Variants in BCAS3 observed in about 807,000 individuals in gnomAD.
The protein encoded by BCAS3 is BCAS3 microtubule associated cell migration factor.
BCAS3 carries 53 observed loss-of-function variants against 116.1 expected under a neutral mutation model. The observed-to-expected ratio is 0.46, with a 90% CI of 0.37 to 0.57. BCAS3 has a LOEUF of 0.57. Among genes scored for constraint, BCAS3 ranks in the 20% least tolerant of loss-of-function variants. The pLI is 0.00. For missense variants in BCAS3, 917 were observed against 1,165.4 expected (o/e 0.79, Z 3.10); for synonymous variants, 391 against 408.2 (o/e 0.96, Z 0.51).
chr17:61,064,543 C>T (rs980197786), intron 19 of BCAS3, among the ~76,000 whole-genome samples: 1 of 152,056 alleles, frequency 6.6e-6, no homozygotes, highest in Non-Finnish European at 1.5e-5. Flanking sequence ...AATGAAAGCT[C>T]CTTAGTTTAT....
chr17:60,869,130 T>G (rs1019307056), intron 8 of BCAS3, among the ~76,000 whole-genome samples: 6 of 152,236 alleles, frequency 3.9e-5, no homozygotes, highest in African/African-American at 1.4e-4. Context: ...TTTTTATTCC[T>G]TCACACTTCA....
Position 61,277,748 on chromosome 17 carries a change from A to G in BCAS3, c.2426-90579A>G, listed in dbSNP as rs371665060. ...CCAATAATCACGTGAAAAGATGCCCAACATCATTAACCATCAGAGATATTC... is the reference window on the plus strand; with the variant it reads ...CCAATAATCACGTGAAAAGATGCCCGACATCATTAACCATCAGAGATATTC... On this transcript the variant is annotated intron_variant, in intron 22 of 23. Coordinates refer to ENST00000407086, the MANE Select transcript of BCAS3 (RefSeq NM_017679.5). 3.9e-5 allele frequency among the ~76,000 whole-genome samples: 6 copies of G among 152,350 alleles called. 1 individual carries two copies. The highest frequency in any genetic ancestry group is 3.9e-4 in the East Asian group (2 of 5,192).
chr17:61,331,818 T>G (rs2056316087), intron 22 of BCAS3, among the ~76,000 whole-genome samples: 1 of 152,178 alleles, frequency 6.6e-6, no homozygotes, highest in Non-Finnish European at 1.5e-5. Context: ...CAGTGTGTAC[T>G]CAGCACGTGG....
intron 4 of BCAS3, among the ~76,000 whole-genome samples, chr17:60,696,090 A>G (rs2035554797): frequency 6.6e-6 from 1 of 152,192 alleles, no homozygotes; most frequent in African/African-American, 2.4e-5. Context: ...ATTATATGAT[A>G]CAATCAAAGA....
At position 61,302,512 on chromosome 17, in the gene BCAS3, G is replaced by A. The variant is rs192206203; in HGVS notation, c.2426-65815G>A. 6.6e-6 allele frequency among the ~76,000 whole-genome samples: 1 copy of A among 152,320 alleles called. No individual in the cohort carries two copies. The highest frequency in any genetic ancestry group is 6.5e-5 in the Admixed American group (1 of 15,296). On this transcript the variant is annotated intron_variant, in intron 22 of 23. Transcript: ENST00000407086. This position sits in a 1 kb window ranked among gnomAD's most constrained non-coding sequence, Gnocchi z 4.4. ...TGAATTAAGAACTGGAAATTAAGAT[G>A]TGGAGTATTGTTACACTATTTTTAG...
At position 61,304,059 on chromosome 17, in the gene BCAS3, G is replaced by T. The variant is rs147750474; in HGVS notation, c.2426-64268G>T. ...GAAATGGGGGAATCATCCTTACACT[G>T]TCTCCTTCCTCACTTCACACACACC... On this transcript the variant is annotated intron_variant, in intron 22 of 23. Coordinates refer to ENST00000407086, the MANE Select transcript of BCAS3 (RefSeq NM_017679.5). Among the ~76,000 whole-genome samples the T allele has an allele frequency of 2.5e-4, 38 of 152,272 alleles. 1 individual carries two copies. The highest frequency in any genetic ancestry group is 8.9e-4 in the African/African-American group (37 of 41,558).
intron 10 of BCAS3, among the ~76,000 whole-genome samples, chr17:60,896,685 T>A (rs996029498): frequency 1.3e-5 from 2 of 152,138 alleles, no homozygotes; most frequent in Non-Finnish European, 2.9e-5. Flanking sequence ...ATATCTCTTT[T>A]TTTTTCCCCT....
At chr17:61,085,747 T>C (rs1485896940) in intron 22 of BCAS3, among the ~76,000 whole-genome samples, 1 of 152,194 alleles carries the variant, frequency 6.6e-6, no homozygotes, top group East Asian at 1.9e-4. Context: ...TATCATTGCT[T>C]CCCGGCACTG....
At chr17:60,813,229 G>A (rs1256919611) in intron 7 of BCAS3, among the ~76,000 whole-genome samples, 1 of 151,616 alleles carries the variant, frequency 6.6e-6, no homozygotes, top group Non-Finnish European at 1.5e-5. Context: ...TGTATTAAGA[G>A]TGCCCTAACC....
intron 5 of BCAS3, among the ~76,000 whole-genome samples, chr17:60,715,698 G>T (rs1397818369): frequency 1.3e-5 from 2 of 151,598 alleles, no homozygotes; most frequent in Non-Finnish European, 2.9e-5. Context: ...ATATTGGCCA[G>T]TCTTGAACTC....
At chr17:60,750,479 A>G (rs554235182) in intron 6 of BCAS3, among the ~76,000 whole-genome samples, 1 of 152,310 alleles carries the variant, frequency 6.6e-6, no homozygotes, top group Non-Finnish European at 1.5e-5. Flanking sequence ...ACAATAAGGC[A>G]AGAAAAAAAA....
chr17:61,220,054 G>C lies in BCAS3; in HGVS notation c.2425+135490G>C, dbSNP rs1159568221. Among the ~76,000 whole-genome samples the C allele has an allele frequency of 6.6e-6, 1 of 152,184 alleles. No homozygotes were observed. The highest frequency in any genetic ancestry group is 6.5e-5 in the Admixed American group (1 of 15,276). Reference sequence around the variant, plus strand: ...CTCACGCCTGTAATCCCAGCACTTTGGGAGGTTGAGGTGGGCAGATCACAC... The same window carrying C: ...CTCACGCCTGTAATCCCAGCACTTTCGGAGGTTGAGGTGGGCAGATCACAC... On this transcript the variant is annotated intron_variant, in intron 22 of 23. Transcript: ENST00000407086. This position sits in a 1 kb window ranked among gnomAD's most constrained non-coding sequence, Gnocchi z 4.5.
chr17:60,811,154 A>G (rs1263777595), intron 7 of BCAS3: 9 of 638,588 alleles, frequency 1.4e-5, no homozygotes, highest in Non-Finnish European at 2.6e-5. Flanking sequence ...GTGGAGGCCC[A>G]CTACACCCTG....
In BCAS3 at chr17:61,355,108, G is replaced by A. The variant is rs1294070364; in HGVS notation, c.2426-13219G>A. 1.3e-5 allele frequency: 2 copies of A among 152,054 alleles called. No homozygotes were observed. Among genetic ancestry groups the A allele is most frequent in the Non-Finnish European group, 2.9e-5 (2 of 68,016 alleles). The allele number at this position is 152,054 out of a possible 1,614,324, so 9.4% of individuals were successfully genotyped here. A position where few individuals can be genotyped will look rare whatever the true frequency, so the allele number is the denominator to read the frequency against. On this transcript the variant is annotated intron_variant, in intron 22 of 23. Transcript: ENST00000407086. This position sits in a 1 kb window ranked among gnomAD's most constrained non-coding sequence, Gnocchi z 4.2. ...GACACCTCCGCCAGCTGGGGAGGCAGAGAGTTCGCACTCTGAGGAAACGCA... is the reference window on the plus strand; with the variant it reads ...GACACCTCCGCCAGCTGGGGAGGCAAAGAGTTCGCACTCTGAGGAAACGCA...
At chr17:60,935,575 G>A (rs77785811) in intron 13 of BCAS3, among the ~76,000 whole-genome samples, 1,561 of 152,144 alleles carry the variant, frequency 0.01, 35 homozygotes, top group African/African-American at 0.036. Context: ...TACTGCTCCT[G>A]TAGGTAATCA....
intron 7 of BCAS3, among the ~76,000 whole-genome samples, chr17:60,818,431 A>C (rs1220876032): frequency 3.3e-5 from 5 of 152,140 alleles, no homozygotes; most frequent in Non-Finnish European, 7.4e-5. Flanking sequence ...TCTAATGTAA[A>C]TAAGGGTTAT....
At position 61,106,708 on chromosome 17, in the gene BCAS3, G is replaced by T. The variant is rs1375767417; in HGVS notation, c.2425+22144G>T. ...TATTTTGAAACTTGCTTCATTTATTGTTAGCAGATTTCCTTCAAGTCATTA... is the reference window on the plus strand; with the variant it reads ...TATTTTGAAACTTGCTTCATTTATTTTTAGCAGATTTCCTTCAAGTCATTA... On this transcript the variant is annotated intron_variant, in intron 22 of 23. Coordinates refer to ENST00000407086, the MANE Select transcript of BCAS3 (RefSeq NM_017679.5). This position sits in a 1 kb window ranked among gnomAD's most constrained non-coding sequence, Gnocchi z 4.2. 6.6e-6 allele frequency among the ~76,000 whole-genome samples: 1 copy of T among 152,160 alleles called. No homozygotes were observed. The highest frequency in any genetic ancestry group is 1.5e-5 in the Non-Finnish European group (1 of 68,024).
intron 7 of BCAS3, among the ~76,000 whole-genome samples, chr17:60,864,310 T>C (rs2054405606): frequency 6.6e-6 from 1 of 152,240 alleles, no homozygotes; most frequent in Non-Finnish European, 1.5e-5. Flanking sequence ...AGAGGTCGAT[T>C]AAACTGCCAT....
intron 19 of BCAS3, among the ~76,000 whole-genome samples, chr17:61,067,315 A>AT (rs1491123631): frequency 7.9e-6 from 1 of 126,562 alleles, no homozygotes; most frequent in Non-Finnish European, 1.7e-5. Flanking sequence ...ATATATATAT[A>AT]TTTATACAGA....
Sources: gnomAD v4.1 joint callset for allele counts (sites outside exome capture counted in the v4.1 genomes callset) on GRCh38, gnomAD v4.1.1 for gene constraint, Gnocchi (gnomAD v3.1) non-coding constraint, MANE v1.5 for transcripts, NCBI Gene and HGNC (gene_info 2026-07-23, HGNC 2026-07-21) for gene names.